Variants in CERT1 observed in about 807,000 individuals in gnomAD.
CERT1 encodes ceramide transporter 1.
A neutral mutation model predicts 87.9 loss-of-function variants in CERT1; 31 were observed. That is an observed-to-expected ratio of 0.35 (90% confidence interval 0.27 to 0.48). The LOEUF is 0.48. Among genes scored for constraint, CERT1 ranks in the 20% least tolerant of loss-of-function variants. The probability of loss-of-function intolerance (pLI) is 0.99; values close to 1 mark genes in which losing one functional copy is unlikely to be tolerated. For missense variants in CERT1, 487 were observed against 758.0 expected (o/e 0.64, Z 4.20); for synonymous variants, 289 against 250.9 (o/e 1.15, Z -1.44).
At chr5:75,483,873 GC>G (rs1766378619) in intron 2 of CERT1, among the ~76,000 whole-genome samples, 2 of 151,572 alleles carry the variant, frequency 1.3e-5, no homozygotes, top group African/African-American at 4.8e-5. Flanking sequence ...ACATTAACGA[GC>G]AATAAGAAAT....
At chr5:75,393,846 T>C (rs1029806620) in intron 11 of CERT1, among the ~76,000 whole-genome samples, 112 of 151,702 alleles carry the variant, frequency 7.4e-4, no homozygotes, top group African/African-American at 2.7e-3. Flanking sequence ...ATGCCTGTAG[T>C]CCCAGATACT....
At chr5:75,379,498 T>G in intron 16 of CERT1, 25 bp from the exon 17 acceptor site, 1 of 1,596,514 alleles carries the variant, frequency 6.3e-7, no homozygotes, top group Non-Finnish European at 8.5e-7. Context: ...AAAATTAAAA[T>G]GTATTAAGAT....
chr5:75,397,265 C>T (rs956570407), intron 11 of CERT1, among the ~76,000 whole-genome samples: 1 of 152,156 alleles, frequency 6.6e-6, no homozygotes, highest in Non-Finnish European at 1.5e-5. Flanking sequence ...TAAAACAGTA[C>T]ATAATCAAAG....
chr5:75,503,713 G>T (rs149326267), intron 2 of CERT1, among the ~76,000 whole-genome samples: 2 of 151,272 alleles, frequency 1.3e-5, no homozygotes, highest in East Asian at 1.9e-4. Flanking sequence ...TTGTTCCTAC[G>T]CATGTCTTTT....
chr5:75,427,142 G>C (rs942944164), intron 3 of CERT1, among the ~76,000 whole-genome samples: 2 of 152,028 alleles, frequency 1.3e-5, no homozygotes, highest in African/African-American at 4.8e-5. Context: ...ATAACTGATG[G>C]GGATGATACT....
At chr5:75,408,608 T>C (rs1336403792) in intron 8 of CERT1, among the ~76,000 whole-genome samples, 1 of 152,000 alleles carries the variant, frequency 6.6e-6, no homozygotes, top group African/African-American at 2.4e-5. Flanking sequence ...AAGATGGAAA[T>C]GTAGGGACTC....
chr5:75,471,627 C>T (rs938022606), intron 2 of CERT1, among the ~76,000 whole-genome samples: 11 of 151,690 alleles, frequency 7.3e-5, no homozygotes, highest in Non-Finnish European at 1.3e-4. Context: ...GGCATGGTGG[C>T]GCATGCCTGT....
intron 2 of CERT1, among the ~76,000 whole-genome samples, chr5:75,477,853 T>C (rs1766039495): frequency 6.6e-6 from 1 of 152,176 alleles, no homozygotes; most frequent in Admixed American, 6.5e-5. Flanking sequence ...TTTGCTTACC[T>C]GTATTTTCCA....
chr5:75,406,994 TAAAACC>T (rs386689131), intron 8 of CERT1, among the ~76,000 whole-genome samples: 2,521 of 152,242 alleles, frequency 0.017, 74 homozygotes, highest in African/African-American at 0.057. Context: ...ATTAAGTGTC[TAAAACC>T]CATACGACTA....
chr5:75,413,291 T>C (rs1381433947), intron 7 of CERT1, among the ~76,000 whole-genome samples: 1 of 152,188 alleles, frequency 6.6e-6, no homozygotes, highest in Admixed American at 6.5e-5. Context: ...CTGAACTTAA[T>C]GGCTAAAGTC....
intron 8 of CERT1, chr5:75,410,609 CA>C (rs34428665): frequency 1.4e-4 from 19 of 135,202 alleles, no homozygotes; most frequent in East Asian, 2.2e-4. Flanking sequence ...GACTCGGTCT[CA>C]AAAAAAAAAA....
At position 75,395,471 on chromosome 5, in the gene CERT1, G is replaced by C. The variant is rs538127298; in HGVS notation, c.1188+3839C>G. Among the ~76,000 whole-genome samples the C allele has an allele frequency of 4.0e-5, 6 of 149,186 alleles. No homozygotes were observed. The South Asian group carries it at 1.3e-3, about 31-fold the overall frequency. On this transcript the variant is annotated intron_variant, in intron 11 of 16. Transcript: ENST00000643780. Reference sequence around the variant, plus strand: ...GAGACAGGAGGATCACTTGTGTCCAGGAAGTCAGAGGTCAGAGGTCAGGTT... The same window carrying C: ...GAGACAGGAGGATCACTTGTGTCCACGAAGTCAGAGGTCAGAGGTCAGGTT...
intron 2 of CERT1, among the ~76,000 whole-genome samples, chr5:75,488,852 T>C (rs1766646309): frequency 6.6e-6 from 1 of 152,204 alleles, no homozygotes; most frequent in Non-Finnish European, 1.5e-5. Context: ...ACCTCCAGCC[T>C]CTTTCTCTAT....
intron 8 of CERT1, among the ~76,000 whole-genome samples, chr5:75,406,317 G>A (rs1762704166): frequency 6.6e-6 from 1 of 152,214 alleles, no homozygotes; most frequent in Non-Finnish European, 1.5e-5. Context: ...TAAGGTTTCT[G>A]CTAAGAGGTT....
chr5:75,426,867 T>C (rs930401898), intron 3 of CERT1, among the ~76,000 whole-genome samples: 2 of 152,214 alleles, frequency 1.3e-5, no homozygotes, highest in Non-Finnish European at 2.9e-5. Context: ...ATGGTGACGG[T>C]TGAACAATAG....
At chr5:75,497,431 G>A (rs1257277248) in intron 2 of CERT1, among the ~76,000 whole-genome samples, 1 of 152,136 alleles carries the variant, frequency 6.6e-6, no homozygotes, top group African/African-American at 2.4e-5. Flanking sequence ...GAAGCTGAAA[G>A]CTCAGAGAAA....
chr5:75,379,628 C>T (rs1301643298), intron 16 of CERT1, among the ~76,000 whole-genome samples, 155 bp from the exon 17 acceptor site: 1 of 152,014 alleles, frequency 6.6e-6, no homozygotes, highest in Non-Finnish European at 1.5e-5. Flanking sequence ...GCTCTGTTGC[C>T]AGGGTGCAGT....
At chr5:75,369,633 G>A (rs776098431) in intron 17 of CERT1, 7 of 152,206 alleles carry the variant, frequency 4.6e-5, no homozygotes, top group Non-Finnish European at 7.3e-5. Context: ...ACTGTTGAGT[G>A]GGGAGGAGTC....
chr5:75,499,638 T>C (rs1253513582), intron 2 of CERT1, among the ~76,000 whole-genome samples: 1 of 152,168 alleles, frequency 6.6e-6, no homozygotes, highest in East Asian at 1.9e-4. Context: ...ATACACACAG[T>C]TAAGGTCTGA....
Sources: allele counts gnomAD v4.1 joint callset (sites outside exome capture counted in the v4.1 genomes callset), GRCh38; gene constraint gnomAD v4.1.1; transcripts MANE v1.5; gene names NCBI Gene and HGNC (gene_info 2026-07-23, HGNC 2026-07-21).